Variants in CCNH observed in about 807,000 individuals in gnomAD.
CCNH encodes cyclin H.
A neutral mutation model predicts 41.9 loss-of-function variants in CCNH; 31 were observed. The ratio of observed to expected loss-of-function variants is 0.74; its 90% CI spans 0.56 to 1.00. CCNH has a LOEUF of 1.00. CCNH is among the 50% of genes least tolerant of loss of function. The probability of loss-of-function intolerance (pLI) is 0.00; values close to 1 mark genes in which losing one functional copy is unlikely to be tolerated. For missense variants in CCNH, 362 were observed against 388.4 expected, an observed-to-expected ratio of 0.93 and a Z score of 0.57; for synonymous variants, 138 against 136.1, an observed-to-expected ratio of 1.01 and a Z score of -0.10.
downstream of CCNH, among the ~76,000 whole-genome samples, chr5:87,390,512 T>G (rs954290053): frequency 5.9e-5 from 9 of 151,720 alleles, no homozygotes; most frequent in Non-Finnish European, 8.8e-5. Context: ...AAAAGAGAGA[T>G]AAACTGCTTC....
intron 4 of CCNH, 95 bp from the exon 5 acceptor site, chr5:87,405,102 T>A (rs1044871625): frequency 1.2e-6 from 1 of 822,222 alleles, no homozygotes; most frequent in Non-Finnish European, 2.0e-6. Flanking sequence ...AAGAAATATA[T>A]GCTATAACAT....
downstream of CCNH, among the ~76,000 whole-genome samples, chr5:87,372,847 TG>T (rs1463023526): frequency 1.3e-5 from 2 of 152,192 alleles, no homozygotes; most frequent in East Asian, 3.8e-4. Context: ...AAGTGTCTCC[TG>T]TTCTCTTTGT....
intron 9 of CCNH, chr5:87,332,471 G>A: frequency 1.9e-6 from 3 of 1,573,392 alleles, no homozygotes; most frequent in African/African-American, 1.4e-5. Context: ...TGGCTGTAAA[G>A]ATTTTTTTAT....
chr5:87,393,144 A>G (rs1352443406), downstream of CCNH, among the ~76,000 whole-genome samples: 1 of 152,056 alleles, frequency 6.6e-6, no homozygotes, highest in African/African-American at 2.4e-5. Flanking sequence ...GAATATGCAT[A>G]TAGTAAGTAT....
rs773957083 is a variant in CCNH at position 87,369,858 on chromosome 5, T to C, written c.*90+22912A>G. 1.1e-5 allele frequency: 18 copies of C among 1,612,254 alleles called. No homozygotes were observed. The South Asian group carries it at 1.6e-4, about 15-fold the overall frequency. On this transcript the variant is annotated intron_variant and NMD_transcript_variant, in intron 9 of 9. Coordinates refer to the CCNH transcript ENST00000645953. ...TAGTTCAGCACTTTAGTGAAGAACA[T>C]TACATCTTTTACTTTGCAGGAGAAA... is the stretch of plus-strand genomic sequence containing the variant.
intron 6 of CCNH, among the ~76,000 whole-genome samples, chr5:87,400,446 A>AT (rs1457393273): frequency 6.6e-6 from 1 of 152,218 alleles, no homozygotes; most frequent in African/African-American, 2.4e-5. Context: ...GTACAGTGGA[A>AT]TAAGACCTTT....
intron 9 of CCNH, among the ~76,000 whole-genome samples, chr5:87,360,699 GAAGT>G (rs1335667116): frequency 3.3e-5 from 5 of 152,116 alleles, no homozygotes; most frequent in Non-Finnish European, 1.5e-5. Context: ...CAGGATAATA[GAAGT>G]AATATGGTTC....
chr5:87,376,980 C>T (rs1028615902), exon 1 of CCNH: 1 of 1,613,518 alleles, frequency 6.2e-7, no homozygotes, highest in Admixed American at 1.7e-5. Context: ...GATTTTTCTT[C>T]ACGAAAAGCT....
At chr5:87,410,454 T>A (rs993353595) in intron 2 of CCNH, among the ~76,000 whole-genome samples, 1 of 141,306 alleles carries the variant, frequency 7.1e-6, no homozygotes, top group Non-Finnish European at 1.5e-5. Flanking sequence ...CATACTTCAA[T>A]TTTTTTTTCA....
upstream of CCNH, among the ~76,000 whole-genome samples, chr5:87,379,580 A>G (rs573005761): frequency 6.6e-6 from 1 of 152,312 alleles, no homozygotes; most frequent in Admixed American, 6.5e-5. Context: ...AGAGAAAACT[A>G]CTTAAAAACT....
intron 9 of CCNH, chr5:87,338,057 A>G: frequency 6.2e-7 from 1 of 1,612,378 alleles, no homozygotes; most frequent in Non-Finnish European, 8.5e-7. Flanking sequence ...ACAGATGAAC[A>G]AGGCCTTATT....
chr5:87,412,766 T>C lies in CCNH; in HGVS notation c.29A>G (p.His10Arg), dbSNP rs1489936872. 2 of 1,614,208 alleles carry C rather than the reference T, an allele frequency of 1.2e-6. No individual in the cohort carries two copies. The highest frequency in any genetic ancestry group is 4.5e-5 in the East Asian group (2 of 44,880). The change falls in exon 1 of 9, where the codon CAC (histidine) becomes CGC (arginine). Residue 10 changes from histidine (H) to arginine (R), a missense_variant. By Grantham distance (29) the His-to-Arg change is conservative (BLOSUM62 0). Coordinates refer to ENST00000256897, the MANE Select transcript of CCNH (RefSeq NM_001239.4). Reference sequence around the variant, plus strand: ...CTGCTCCTCGCTGGAGAAGGTCCAGTGCCGCTTCTGACTACTGTTGTGGTA... The same window carrying C: ...CTGCTCCTCGCTGGAGAAGGTCCAGCGCCGCTTCTGACTACTGTTGTGGTA... MYHNSSQKRHWTFSSEEQLA... is the reference protein window; with the variant it reads MYHNSSQKRRWTFSSEEQLA...
At chr5:87,373,894 C>G (rs997692115), downstream of CCNH, among the ~76,000 whole-genome samples, 1 of 151,714 alleles carries the variant, frequency 6.6e-6, no homozygotes, top group African/African-American at 2.4e-5. Flanking sequence ...AGGTGTATTT[C>G]ATTATTTCTC....
chr5:87,372,971 G>C (rs1381226649), downstream of CCNH, among the ~76,000 whole-genome samples: 1 of 152,014 alleles, frequency 6.6e-6, no homozygotes, highest in African/African-American at 2.4e-5. Flanking sequence ...TCTTCCCCAG[G>C]GAAATTTAAG....
intron 9 of CCNH, among the ~76,000 whole-genome samples, chr5:87,337,057 A>T (rs1758028854): frequency 6.6e-6 from 1 of 152,084 alleles, no homozygotes; most frequent in Non-Finnish European, 1.5e-5. Flanking sequence ...TGTGAATATT[A>T]AGATTGAAAG....
downstream of CCNH, chr5:87,374,288 A>G: frequency 1.2e-6 from 2 of 1,605,988 alleles, no homozygotes; most frequent in South Asian, 1.1e-5. Flanking sequence ...GGGAAGGGCA[A>G]AACCCAGTAT....
At chr5:87,312,309 G>A in the CCNH span, among the ~76,000 whole-genome samples, 1 of 152,124 alleles carries the variant, frequency 6.6e-6, no homozygotes, top group Non-Finnish European at 1.5e-5. Flanking sequence ...TCTGTCTTCT[G>A]TTAAGTTAGA....
chr5:87,395,449 G>T (rs1169380477), intron 7 of CCNH, among the ~76,000 whole-genome samples: 3 of 152,102 alleles, frequency 2.0e-5, no homozygotes, highest in African/African-American at 7.2e-5. Flanking sequence ...AAAAGCTACG[G>T]TAATTAAAAG....
chr5:87,363,558 TACAA>T lies in CCNH; in HGVS notation c.*90+29208_*90+29211del, dbSNP rs988478968. 5.1e-6 allele frequency: 8 copies of T among 1,573,284 alleles called. No individual in the cohort carries two copies. In the African/African-American group the frequency reaches 9.5e-5, roughly 19 times the overall value. Reference sequence around the variant, plus strand: ...CGGAATTGTCTTAATAATAAAATAGTACAAACAAAGCAAACCAATTTTGAGAGCC... The same window carrying T: ...CGGAATTGTCTTAATAATAAAATAGTACAAAGCAAACCAATTTTGAGAGCC... On this transcript the variant is annotated intron_variant and NMD_transcript_variant, in intron 9 of 9. Coordinates refer to the CCNH transcript ENST00000645953.
Sources: allele counts gnomAD v4.1 joint callset (sites outside exome capture counted in the v4.1 genomes callset), GRCh38; gene constraint gnomAD v4.1.1; transcripts MANE v1.5; gene names NCBI Gene and HGNC (gene_info 2026-07-23, HGNC 2026-07-21).